Variants in BMP7 observed in about 807,000 individuals in gnomAD.
The protein encoded by BMP7 is bone morphogenetic protein 7, also known as osteogenic protein 1.
In BMP7, 12 loss-of-function variants were observed where a neutral mutation model predicts 41.2. That is an observed-to-expected ratio of 0.29 (90% CI 0.19 to 0.47). BMP7 has a LOEUF of 0.47. Among genes scored for constraint, BMP7 ranks in the 20% least tolerant of loss-of-function variants. The pLI is 0.99. For synonymous variants in BMP7, 248 were observed against 250.0 expected (o/e 0.99, Z 0.07); for missense variants, 467 against 606.0 (o/e 0.77, Z 2.41).
At chr20:57,208,410 T>G (rs1984792779) in intron 2 of BMP7, among the ~76,000 whole-genome samples, 2 of 152,030 alleles carry the variant, frequency 1.3e-5, no homozygotes. Flanking sequence ...CCCACTAGGA[T>G]GACTAGAGCC....
At chr20:57,191,300 G>A (rs1023810145) in intron 3 of BMP7, among the ~76,000 whole-genome samples, 5 of 152,108 alleles carry the variant, frequency 3.3e-5, no homozygotes, top group East Asian at 1.9e-4. Context: ...TGCTCCAGAG[G>A]CAAGACAGGC....
In BMP7 at chr20:57,202,809, A is replaced by G. The variant is rs187415362; in HGVS notation, c.612-186T>C. Among the ~76,000 whole-genome samples the G allele has an allele frequency of 3.3e-3, 505 of 152,288 alleles. 2 individuals are homozygous for G. Among genetic ancestry groups the G allele is most frequent in the Non-Finnish European group, 5.0e-3 (342 of 68,018 alleles). ...CCCTCAGTAGCTGTGGTGAGGAAAG[A>G]GAGTGCAGAAGAGCTACAAAGAGAT... On this transcript the variant is annotated intron_variant, in intron 2 of 6. Coordinates refer to ENST00000395863, the MANE Select transcript of BMP7 (RefSeq NM_001719.3).
chr20:57,252,744 A>G (rs1202174868), intron 1 of BMP7, among the ~76,000 whole-genome samples: 1 of 152,156 alleles, frequency 6.6e-6, no homozygotes. Flanking sequence ...CCATCTAGAA[A>G]TGCTGTTTTT....
intron 3 of BMP7, among the ~76,000 whole-genome samples, chr20:57,197,577 C>T (rs1345329421): frequency 6.6e-6 from 1 of 152,164 alleles, no homozygotes; most frequent in Admixed American, 6.6e-5. Context: ...GAAAGTTCCC[C>T]AGCCTTCTCA....
chr20:57,177,624 A>T (rs6070008), intron 4 of BMP7: 64,380 of 152,134 alleles, frequency 0.42, 15,095 homozygotes, highest in East Asian at 0.69. Context: ...CCATTTTTGA[A>T]TATATCTATT....
Position 57,214,391 on chromosome 20 carries a change from T to C in BMP7, c.612-11768A>G, listed in dbSNP as rs1258286369. ...AGCTCTTAGGATAAAAAGCCAAAGCTCTCTAATGTGTTCTGTGATAAAGAA... is the reference window on the plus strand; with the variant it reads ...AGCTCTTAGGATAAAAAGCCAAAGCCCTCTAATGTGTTCTGTGATAAAGAA... On this transcript the variant is annotated intron_variant, in intron 2 of 6. Transcript: ENST00000395863. The surrounding 1 kb of genome is among the most constrained non-coding windows in gnomAD (Gnocchi z 4.0). Among the ~76,000 whole-genome samples, 1 of 151,948 alleles carries C rather than the reference T, an allele frequency of 6.6e-6. No homozygotes were observed. Among genetic ancestry groups the C allele is most frequent in the Non-Finnish European group, 1.5e-5 (1 of 67,994 alleles).
At chr20:57,210,845 A>G (rs915982957) in intron 2 of BMP7, among the ~76,000 whole-genome samples, 5 of 152,206 alleles carry the variant, frequency 3.3e-5, no homozygotes, top group Non-Finnish European at 7.3e-5. Flanking sequence ...CATTCTGGTC[A>G]TTTTAATTTT....
chr20:57,208,133 G>A (rs989590987), intron 2 of BMP7, among the ~76,000 whole-genome samples: 2 of 152,162 alleles, frequency 1.3e-5, no homozygotes, highest in Non-Finnish European at 2.9e-5. Flanking sequence ...CCGGCCCCCA[G>A]TTGGTTTTAT....
chr20:57,180,311 C>T (rs576189399), intron 4 of BMP7, among the ~76,000 whole-genome samples: 1 of 151,416 alleles, frequency 6.6e-6, no homozygotes, highest in Admixed American at 6.6e-5. Context: ...CTGCTTCAGC[C>T]CCCACAGCCT....
chr20:57,192,187 A>C (rs1215009083), intron 3 of BMP7, among the ~76,000 whole-genome samples: 2 of 127,842 alleles, frequency 1.6e-5, no homozygotes, highest in African/African-American at 6.1e-5. Context: ...ACTATATATT[A>C]TATATAGTAT....
In BMP7 at chr20:57,171,177, C is replaced by T. The variant is rs1350920594; in HGVS notation, c.1147-69G>A. 6.2e-7 allele frequency: 1 copy of T among 1,601,752 alleles called. No individual in the cohort carries two copies. Among genetic ancestry groups the T allele is most frequent in the African/African-American group, 1.3e-5 (1 of 74,670 alleles). On this transcript the variant is annotated intron_variant, in intron 6 of 6. Transcript: ENST00000395863. This position sits in a 1 kb window ranked among gnomAD's most constrained non-coding sequence, Gnocchi z 4.5. ...GTCGTTCTAACTGGCCTCCACGTTT[C>T]TATAAAGAAACATCCTGTCTGGGCA...
intron 1 of BMP7, among the ~76,000 whole-genome samples, chr20:57,260,674 G>A (rs2066150460): frequency 6.6e-6 from 1 of 152,194 alleles, no homozygotes; most frequent in African/African-American, 2.4e-5. Context: ...AGTGTACACA[G>A]CTGCAGTGCT....
intron 1 of BMP7, among the ~76,000 whole-genome samples, chr20:57,250,688 C>CT (rs1255837793): frequency 2.0e-5 from 3 of 151,984 alleles, no homozygotes; most frequent in East Asian, 3.9e-4. Flanking sequence ...TATTGATGTG[C>CT]TTTTTTTGGA....
chr20:57,263,217 G>C (rs576202310), intron 1 of BMP7, among the ~76,000 whole-genome samples: 10 of 152,216 alleles, frequency 6.6e-5, no homozygotes, highest in Non-Finnish European at 1.2e-4. Flanking sequence ...GTCCCAGAAA[G>C]CTAGACCTGA....
intron 1 of BMP7, among the ~76,000 whole-genome samples, chr20:57,236,723 A>G (rs1203966585): frequency 6.6e-6 from 1 of 151,744 alleles, no homozygotes; most frequent in African/African-American, 2.4e-5. Flanking sequence ...CTGGTTGCTC[A>G]GAGACCTCAG....
intron 4 of BMP7, among the ~76,000 whole-genome samples, chr20:57,179,941 G>A (rs1984036262): frequency 6.6e-6 from 1 of 152,108 alleles, no homozygotes; most frequent in South Asian, 2.1e-4. Flanking sequence ...TGATGAGGAG[G>A]CGGTGGGGAA....
At chr20:57,217,742 C>A (rs750465902) in intron 2 of BMP7, among the ~76,000 whole-genome samples, 1 of 152,148 alleles carries the variant, frequency 6.6e-6, no homozygotes, top group Admixed American at 6.5e-5. Context: ...CTGGACAGGA[C>A]AGAAGGACAA....
chr20:57,255,384 C>T (rs1452423037), intron 1 of BMP7, among the ~76,000 whole-genome samples: 1 of 152,204 alleles, frequency 6.6e-6, no homozygotes. Flanking sequence ...ATTGCTGCTA[C>T]ACAGAAAGGT....
intron 3 of BMP7, among the ~76,000 whole-genome samples, chr20:57,192,459 A>G (rs1458747382): frequency 1.3e-5 from 2 of 151,426 alleles, no homozygotes; most frequent in Non-Finnish European, 2.9e-5. Context: ...GCAGGAGAAC[A>G]ATTCCTTTTC....
Sources: gnomAD v4.1 joint callset for allele counts (sites outside exome capture counted in the v4.1 genomes callset) on GRCh38, gnomAD v4.1.1 for gene constraint, Gnocchi (gnomAD v3.1) non-coding constraint, MANE v1.5 for transcripts, NCBI Gene and HGNC (gene_info 2026-07-23, HGNC 2026-07-21) for gene names.